MOXD1: variants seen among roughly 807,000 people sequenced by gnomAD.
MOXD1 encodes DBH-like monooxygenase protein 1.
A neutral mutation model predicts 66.6 loss-of-function variants in MOXD1; 62 were observed. The observed-to-expected ratio is 0.93, with a 90% CI of 0.76 to 1.15. MOXD1 has a LOEUF of 1.15. Among genes scored for constraint, MOXD1 ranks in the 50% most tolerant of loss-of-function variants. The probability of loss-of-function intolerance (pLI) is 0.00; values close to 1 mark genes in which losing one functional copy is unlikely to be tolerated. For synonymous variants in MOXD1, 303 were observed against 281.9 expected, an observed-to-expected ratio of 1.07 and a Z score of -0.75; for missense variants, 847 against 754.6, an observed-to-expected ratio of 1.12 and a Z score of -1.44.
chr6:132,320,074 T>C (rs2114566062), intron 9 of MOXD1, among the ~76,000 whole-genome samples: 1 of 152,318 alleles, frequency 6.6e-6, no homozygotes, highest in Admixed American at 6.5e-5. Context: ...TTTTATACTA[T>C]CCTTGTGAAG....
At chr6:132,356,556 T>C (rs1473529330) in intron 4 of MOXD1, among the ~76,000 whole-genome samples, 1 of 152,174 alleles carries the variant, frequency 6.6e-6, no homozygotes, top group Non-Finnish European at 1.5e-5. Context: ...CATAACGATA[T>C]ACTTACAAGA....
intron 1 of MOXD1, among the ~76,000 whole-genome samples, chr6:132,380,635 T>C (rs1274759425): frequency 1.3e-5 from 2 of 152,258 alleles, no homozygotes; most frequent in African/African-American, 4.8e-5. Flanking sequence ...GCCTTATCTT[T>C]TCAACCATGT....
chr6:132,353,580 C>T (rs985496568), intron 4 of MOXD1, among the ~76,000 whole-genome samples: 3 of 152,082 alleles, frequency 2.0e-5, no homozygotes, highest in Admixed American at 1.3e-4. Context: ...GCTTTTGTCT[C>T]GTAGGTCTTA....
intron 1 of MOXD1, among the ~76,000 whole-genome samples, chr6:132,384,292 C>T (rs1012933017): frequency 1.4e-4 from 16 of 110,346 alleles, no homozygotes; most frequent in African/African-American, 4.2e-4. Context: ...CTTCCTTCCT[C>T]CTTCCTTCCT....
chr6:132,367,995 C>T (rs1401218356), intron 4 of MOXD1, among the ~76,000 whole-genome samples: 1 of 151,816 alleles, frequency 6.6e-6, no homozygotes, highest in East Asian at 1.9e-4. Flanking sequence ...TTTTTTCTCC[C>T]CTTTGCCATA....
intron 10 of MOXD1, among the ~76,000 whole-genome samples, chr6:132,303,017 C>T (rs1433174068): frequency 6.6e-6 from 1 of 152,044 alleles, no homozygotes; most frequent in Non-Finnish European, 1.5e-5. Context: ...GTTGGATTTA[C>T]CTTACACTAC....
intron 1 of MOXD1, 144 bp from the exon 2 acceptor site, chr6:132,374,921 G>C (rs1355057905): frequency 2.6e-6 from 2 of 770,584 alleles, no homozygotes; most frequent in African/African-American, 3.5e-5. Context: ...ATTCCAACTG[G>C]GGAATCAGGT....
chr6:132,320,583 C>A (rs897113220), intron 9 of MOXD1, 46 bp downstream of exon 9: 35 of 1,436,522 alleles, frequency 2.4e-5, no homozygotes, highest in Non-Finnish European at 3.2e-5. Flanking sequence ...AAGTTTATTT[C>A]TTTCTCTCCA....
intron 1 of MOXD1, among the ~76,000 whole-genome samples, chr6:132,394,882 C>T (rs1329042157): frequency 2.6e-5 from 4 of 151,830 alleles, no homozygotes; most frequent in Non-Finnish European, 5.9e-5. Flanking sequence ...GTTAGAAAAC[C>T]TATTTAACAA....
chr6:132,351,689 T>C (rs1775805303), intron 4 of MOXD1, among the ~76,000 whole-genome samples: 1 of 152,164 alleles, frequency 6.6e-6, no homozygotes, highest in African/African-American at 2.4e-5. Context: ...CCTTTCTCTA[T>C]CTTGTGGAAT....
chr6:132,336,924 G>A (rs944724802), intron 4 of MOXD1, among the ~76,000 whole-genome samples: 1 of 152,158 alleles, frequency 6.6e-6, no homozygotes. Context: ...TTCAAACGAC[G>A]AAAAAGAATT....
intron 4 of MOXD1, among the ~76,000 whole-genome samples, chr6:132,333,193 A>G (rs1452091808): frequency 2.6e-5 from 4 of 152,080 alleles, no homozygotes; most frequent in East Asian, 1.9e-4. Context: ...AAAATTAGCC[A>G]GGCGTGGTAG....
intron 9 of MOXD1, among the ~76,000 whole-genome samples, chr6:132,319,453 C>T (rs1775029048): frequency 6.6e-6 from 1 of 151,876 alleles, no homozygotes; most frequent in South Asian, 2.1e-4. Flanking sequence ...AATTTTTTCA[C>T]AGAGATCAAA....
rs117274332 is a variant in MOXD1, at chr6:132,315,992, C to A, written c.1366-215G>T. On this transcript the variant is annotated intron_variant, in intron 9 of 11. Coordinates refer to ENST00000367963, the MANE Select transcript of MOXD1 (RefSeq NM_015529.4). ...TTAAAAATTTGCCTTTCTTAAATAACCTAATAAATTCTGCGGATGGGATGT... is the reference window on the plus strand; with the variant it reads ...TTAAAAATTTGCCTTTCTTAAATAAACTAATAAATTCTGCGGATGGGATGT... 7.2e-3 allele frequency among the ~76,000 whole-genome samples: 1,089 copies of A among 152,148 alleles called. 4 individuals are homozygous for A. The highest frequency in any genetic ancestry group is 0.011 in the Non-Finnish European group (728 of 67,986).
intron 1 of MOXD1, among the ~76,000 whole-genome samples, chr6:132,379,449 G>A (rs565449718): frequency 8.5e-5 from 13 of 152,242 alleles, no homozygotes; most frequent in South Asian, 6.2e-4. Context: ...GAACAAGTCC[G>A]GGAAACAAAG....
chr6:132,363,808 T>G (rs772519436), intron 4 of MOXD1, among the ~76,000 whole-genome samples: 7 of 152,192 alleles, frequency 4.6e-5, no homozygotes, highest in Non-Finnish European at 8.8e-5. Flanking sequence ...TAAGTAAAAG[T>G]CATTCATAAT....
At chr6:132,303,807 ATGTGTGTGTGTG>A (rs768465608) in intron 10 of MOXD1, among the ~76,000 whole-genome samples, 1 of 47,922 alleles carries the variant, frequency 2.1e-5, no homozygotes, top group East Asian at 6.7e-4. Flanking sequence ...ATACACACAC[ATGTGTGTGTGTG>A]TGTGTGTGTG....
intron 4 of MOXD1, among the ~76,000 whole-genome samples, chr6:132,348,335 A>G (rs1775707419): frequency 6.6e-6 from 1 of 152,206 alleles, no homozygotes; most frequent in African/African-American, 2.4e-5. Context: ...TTTGCTATTT[A>G]TCTTCACCCT....
Position 132,297,058 on chromosome 6 carries a change from AC to A in MOXD1, c.*94del. 7.5e-7 allele frequency: 1 copy of A among 1,324,924 alleles called. No homozygotes were observed. 82.1% of individuals were successfully genotyped at this position (1,324,924 alleles called of 1,614,324 possible). ...GAAAATGGGGAAGAAAAGTCTCCAC[AC>A]TCTTCATGCCCAAAGTGGACACAGT... On this transcript the variant is annotated 3_prime_UTR_variant, in exon 12 of 12. Coordinates refer to ENST00000367963, the MANE Select transcript of MOXD1 (RefSeq NM_015529.4).
Sources: allele counts gnomAD v4.1 joint callset (sites outside exome capture counted in the v4.1 genomes callset), GRCh38; gene constraint gnomAD v4.1.1; transcripts MANE v1.5; gene names NCBI Gene and HGNC (gene_info 2026-07-23, HGNC 2026-07-21).